Variants in MBP observed in about 807,000 individuals in gnomAD.
MBP encodes the protein Golli-MBP.
A neutral mutation model predicts 35.8 loss-of-function variants in MBP; 16 were observed. The ratio of observed to expected loss-of-function variants is 0.45; its 90% CI spans 0.30 to 0.68. MBP has a LOEUF of 0.68. Ranked by LOEUF, MBP falls within the 30% of genes least tolerant of loss-of-function variation. The pLI, the probability that MBP is intolerant of heterozygous loss-of-function variation, is 0.08. For missense variants in MBP, 380 were observed against 404.7 expected, an observed-to-expected ratio of 0.94 and a Z score of 0.52; for synonymous variants, 143 against 159.6, an observed-to-expected ratio of 0.90 and a Z score of 0.78.
intron 1 of MBP, among the ~76,000 whole-genome samples, chr18:77,116,294 G>C (rs1250930372): frequency 1.3e-5 from 2 of 152,366 alleles, no homozygotes; most frequent in South Asian, 2.1e-4. Flanking sequence ...GCTCTGAGCT[G>C]ATCTCCTAAA....
At chr18:77,079,136 C>T (rs2144904415) in intron 2 of MBP, among the ~76,000 whole-genome samples, 1 of 152,352 alleles carries the variant, frequency 6.6e-6, no homozygotes, top group Middle Eastern at 3.4e-3. Flanking sequence ...GAGACGGTTC[C>T]AACGTGCTCA....
At position 77,105,223 on chromosome 18, in the gene MBP, C is replaced by T. The variant is rs755723888; in HGVS notation, c.39G>A (p.Glu13=). 20 of 1,612,772 alleles carry T rather than the reference C, an allele frequency of 1.2e-5. No homozygotes were observed. In the Admixed American group the frequency reaches 1.8e-4, roughly 15 times the overall value. ...GCTCACGTCTTACCGTACTGGCCTT[C>T]TCGGCATTTAATTCTCGTTTGCCTG... is the stretch of plus-strand genomic sequence containing the variant. The part of the protein sequence containing the change: ...NHAGKRELNA[E]KASTNSETNR... The change falls in exon 2 of 9, where the codon GAG becomes GAA. Residue 13 remains glutamate (E), a synonymous_variant. Coordinates refer to ENST00000355994, the MANE Select transcript of MBP (RefSeq NM_001025101.2).
intron 3 of MBP, among the ~76,000 whole-genome samples, chr18:77,041,124 A>G (rs1340947627): frequency 1.3e-5 from 2 of 152,254 alleles, no homozygotes; most frequent in African/African-American, 2.4e-5. Flanking sequence ...AAAGGATATG[A>G]ACAGACACTT....
chr18:77,089,543 C>A (rs749459622), intron 2 of MBP, among the ~76,000 whole-genome samples: 7 of 152,226 alleles, frequency 4.6e-5, no homozygotes, highest in Non-Finnish European at 7.3e-5. Context: ...CACAGAGCCT[C>A]CGCCTCAGGC....
intron 4 of MBP, chr18:77,015,761 A>C (rs1179079410): frequency 1.0e-6 from 1 of 985,332 alleles, no homozygotes; most frequent in Non-Finnish European, 1.2e-6. Context: ...GACTAAAGCA[A>C]ATTCTAGAAA....
chr18:76,984,646 TG>T, intron 8 of MBP, 128 bp downstream of exon 8: 1 of 1,319,554 alleles, frequency 7.6e-7, no homozygotes, highest in Non-Finnish European at 1.1e-6. Context: ...GCACGCCTGC[TG>T]GGACAGAGCA....
Position 77,020,872 on chromosome 18 carries a change from G to T in MBP, c.140-3604C>A, listed in dbSNP as rs1971960608. Among the ~76,000 whole-genome samples the T allele has an allele frequency of 1.3e-5, 2 of 152,236 alleles. No individual in the cohort carries two copies. Among genetic ancestry groups the T allele is most frequent in the South Asian group, 4.1e-4 (2 of 4,832 alleles). On this transcript the variant is annotated intron_variant, in intron 3 of 8. Coordinates refer to ENST00000355994, the MANE Select transcript of MBP (RefSeq NM_001025101.2). The surrounding 1 kb of genome is among the most constrained non-coding windows in gnomAD (Gnocchi z 4.1). The stretch of plus-strand genomic sequence containing the variant: ...GCCTGCCTAAGAGTGGACGGCTCCA[G>T]GCTGCAGTGTGAACTCTTTTCTGCA...
At chr18:77,012,312 G>A (rs1170896876) in intron 4 of MBP, among the ~76,000 whole-genome samples, 2 of 152,240 alleles carry the variant, frequency 1.3e-5, no homozygotes, top group Non-Finnish European at 1.5e-5. Flanking sequence ...CCATGTGCAC[G>A]TTCATTCAGG....
intron 2 of MBP, among the ~76,000 whole-genome samples, chr18:77,078,667 A>G (rs1312504929): frequency 9.2e-5 from 14 of 152,240 alleles, no homozygotes; most frequent in Non-Finnish European, 1.9e-4. Context: ...CTGTGGACTG[A>G]AGAGCAACTC....
intron 4 of MBP, among the ~76,000 whole-genome samples, chr18:76,996,853 C>A (rs1454300238): frequency 6.6e-6 from 1 of 152,140 alleles, no homozygotes; most frequent in Non-Finnish European, 1.5e-5. Context: ...CCATTTTGTT[C>A]ATTATTTTGT....
intron 3 of MBP, among the ~76,000 whole-genome samples, chr18:77,024,757 C>T (rs1972134673): frequency 6.6e-6 from 1 of 152,278 alleles, no homozygotes. Context: ...TGGAGGCCGA[C>T]CTCAGTCCCA....
chr18:77,103,746 G>A (rs1447983122), intron 2 of MBP, among the ~76,000 whole-genome samples: 1 of 152,036 alleles, frequency 6.6e-6, no homozygotes, highest in Non-Finnish European at 1.5e-5. Context: ...GAGACAGACA[G>A]CTAGGACCCC....
chr18:77,112,642 GAGAGAC>G (rs1057027614), intron 1 of MBP: 3 of 152,410 alleles, frequency 2.0e-5, no homozygotes, highest in Non-Finnish European at 4.4e-5. Context: ...AAGGCCGGGA[GAGAGAC>G]GGGCGGCCAG....
chr18:77,009,140 G>GT (rs1159559879), intron 4 of MBP, among the ~76,000 whole-genome samples: 1 of 152,260 alleles, frequency 6.6e-6, no homozygotes, highest in African/African-American at 2.4e-5. Context: ...ACCGCTCCTA[G>GT]TGTGCAAACG....
intron 3 of MBP, among the ~76,000 whole-genome samples, chr18:77,019,415 A>G (rs556557165): frequency 5.9e-5 from 9 of 152,278 alleles, no homozygotes; most frequent in African/African-American, 2.2e-4. Flanking sequence ...CACAGGGGAG[A>G]GGTGTGAAGA....
At chr18:77,061,192 T>A (rs1384876311) in intron 3 of MBP, among the ~76,000 whole-genome samples, 6 of 152,252 alleles carry the variant, frequency 3.9e-5, no homozygotes, top group Non-Finnish European at 8.8e-5. Context: ...TGGCCCTTAC[T>A]GAATTCTATT....
chr18:77,095,786 G>C (rs1331904886), intron 2 of MBP, among the ~76,000 whole-genome samples: 2 of 152,194 alleles, frequency 1.3e-5, no homozygotes, highest in Non-Finnish European at 2.9e-5. Context: ...GGAATGTCTG[G>C]AGATGTTCCG....
At chr18:77,045,978 C>G (rs1317775961) in intron 3 of MBP, among the ~76,000 whole-genome samples, 1 of 152,056 alleles carries the variant, frequency 6.6e-6, no homozygotes, top group Non-Finnish European at 1.5e-5. Context: ...GCAAACATGT[C>G]GATGGATGTG....
chr18:77,061,745 C>T (rs1225263444), intron 3 of MBP, among the ~76,000 whole-genome samples: 1 of 152,098 alleles, frequency 6.6e-6, no homozygotes. Flanking sequence ...GGTGTTTTTT[C>T]CTACTGTCAG....
Sources: allele counts gnomAD v4.1 joint callset (sites outside exome capture counted in the v4.1 genomes callset), GRCh38; gene constraint gnomAD v4.1.1; non-coding constraint Gnocchi (gnomAD v3.1); transcripts MANE v1.5; gene names NCBI Gene and HGNC (gene_info 2026-07-23, HGNC 2026-07-21).